Variants in MGAT4C observed in about 807,000 individuals in gnomAD.
The protein encoded by MGAT4C is alpha-1,3-mannosyl-glycoprotein 4-beta-N-acetylglucosaminyltransferase C.
MGAT4C carries 19 observed loss-of-function variants against 40.1 expected under a neutral mutation model. The ratio of observed to expected loss-of-function variants is 0.47; its 90% CI spans 0.33 to 0.70. MGAT4C has a LOEUF of 0.70. MGAT4C is among the 30% of genes least tolerant of loss of function. The probability of loss-of-function intolerance (pLI) is 0.02; values close to 1 mark genes in which losing one functional copy is unlikely to be tolerated. For missense variants in MGAT4C, 491 were observed against 563.2 expected (o/e 0.87, Z 1.30); for synonymous variants, 181 against 187.1 (o/e 0.97, Z 0.27).
intron 4 of MGAT4C, among the ~76,000 whole-genome samples, chr12:86,290,085 C>G (rs569950049): frequency 6.6e-6 from 1 of 151,690 alleles, no homozygotes; most frequent in Admixed American, 6.6e-5. Context: ...CTTGCTCTGT[C>G]ACCCATGCTG....
intron 1 of MGAT4C, among the ~76,000 whole-genome samples, chr12:86,244,721 T>A (rs543389804): frequency 1.3e-5 from 2 of 152,218 alleles, no homozygotes; most frequent in East Asian, 3.9e-4. Flanking sequence ...GAGGGACACC[T>A]CACTCATCAA....
chr12:86,731,721 A>T (rs1431658668), intron 1 of MGAT4C, among the ~76,000 whole-genome samples: 1 of 151,812 alleles, frequency 6.6e-6, no homozygotes, highest in East Asian at 1.9e-4. Flanking sequence ...GACTGAAGAC[A>T]AGTTCTTCTG....
chr12:86,184,097 C>T (rs549525693), intron 1 of MGAT4C, among the ~76,000 whole-genome samples: 1 of 152,146 alleles, frequency 6.6e-6, no homozygotes, highest in Admixed American at 6.5e-5. Context: ...AATCACTAAT[C>T]AATTTTTATT....
intron 1 of MGAT4C, among the ~76,000 whole-genome samples, chr12:86,817,152 T>C (rs1374347780): frequency 1.3e-5 from 2 of 151,048 alleles, no homozygotes; most frequent in Non-Finnish European, 3.0e-5. Context: ...ATAGAATATA[T>C]ATTTTAATTT....
intron 2 of MGAT4C, among the ~76,000 whole-genome samples, chr12:86,673,375 T>A (rs1257885664): frequency 6.6e-6 from 1 of 152,172 alleles, no homozygotes; most frequent in East Asian, 1.9e-4. Context: ...TTTATCATTG[T>A]GAGAAAGCAC....
chr12:86,123,752 T>G (rs2135690364), intron 1 of MGAT4C, among the ~76,000 whole-genome samples: 1 of 152,264 alleles, frequency 6.6e-6, no homozygotes, highest in African/African-American at 2.4e-5. Context: ...TTTCATTCAA[T>G]TATTCCAGCA....
At chr12:86,017,224 G>A (rs1292817487) in intron 2 of MGAT4C, among the ~76,000 whole-genome samples, 1 of 152,092 alleles carries the variant, frequency 6.6e-6, no homozygotes, top group African/African-American at 2.4e-5. Context: ...GTATGTATGT[G>A]TTTACATTGC....
intron 1 of MGAT4C, among the ~76,000 whole-genome samples, chr12:86,742,604 A>G (rs1242585492): frequency 6.6e-6 from 1 of 151,456 alleles, no homozygotes; most frequent in East Asian, 1.9e-4. Context: ...TTTAGCCTAA[A>G]TGAGATTAGT....
chr12:86,518,951 G>C (rs975113089), intron 2 of MGAT4C, among the ~76,000 whole-genome samples: 1 of 152,086 alleles, frequency 6.6e-6, no homozygotes, highest in African/African-American at 2.4e-5. Context: ...AAGGAATACA[G>C]ATTGCATTAT....
intron 1 of MGAT4C, among the ~76,000 whole-genome samples, chr12:86,799,189 A>G (rs1023972866): frequency 6.6e-6 from 1 of 151,756 alleles, no homozygotes; most frequent in African/African-American, 2.4e-5. Context: ...CCTCATCAGC[A>G]CAATCACCAA....
intron 3 of MGAT4C, among the ~76,000 whole-genome samples, chr12:86,397,909 G>A (rs1040439262): frequency 5.3e-5 from 8 of 152,274 alleles, no homozygotes; most frequent in African/African-American, 1.9e-4. Flanking sequence ...GCTGCAGTGA[G>A]CTATGATCAC....
intron 1 of MGAT4C, among the ~76,000 whole-genome samples, chr12:86,219,461 C>T (rs1475607505): frequency 6.6e-6 from 1 of 152,192 alleles, no homozygotes; most frequent in Non-Finnish European, 1.5e-5. Context: ...TTTCTTGCAC[C>T]TGTTGGATCA....
intron 2 of MGAT4C, among the ~76,000 whole-genome samples, chr12:86,659,692 C>CT (rs1460873380): frequency 6.6e-6 from 1 of 152,046 alleles, no homozygotes; most frequent in African/African-American, 2.4e-5. Context: ...TAGCTCCTCT[C>CT]TTTTTCCCCA....
At position 86,476,742 on chromosome 12, in the gene MGAT4C, C is replaced by T. The variant is rs112170217; in HGVS notation, c.-228-41477G>A. 3.4e-3 allele frequency among the ~76,000 whole-genome samples: 515 copies of T among 152,178 alleles called. 4 individuals carry two copies. The highest frequency in any genetic ancestry group is 0.012 in the African/African-American group (499 of 41,538). On this transcript the variant is annotated intron_variant, in intron 2 of 7. Transcript: ENST00000548651. Reference sequence around the variant, plus strand: ...TACATATATACCATGGAATAATACACAGCCATAAAAAGGAAAAAAATTATG... The same window carrying T: ...TACATATATACCATGGAATAATACATAGCCATAAAAAGGAAAAAAATTATG...
chr12:86,346,922 C>T (rs1459714378), intron 3 of MGAT4C, among the ~76,000 whole-genome samples: 1 of 152,172 alleles, frequency 6.6e-6, no homozygotes, highest in Non-Finnish European at 1.5e-5. Flanking sequence ...TCATCATACT[C>T]CCATACTGGA....
chr12:86,800,778 C>T (rs902407560), intron 1 of MGAT4C, among the ~76,000 whole-genome samples: 1 of 152,022 alleles, frequency 6.6e-6, no homozygotes, highest in Admixed American at 6.6e-5. Context: ...CAAAGACTTT[C>T]TCCATGACCA....
chr12:86,563,337 CAATCAG>C (rs1181397603), intron 2 of MGAT4C, among the ~76,000 whole-genome samples: 3 of 152,124 alleles, frequency 2.0e-5, no homozygotes, highest in Non-Finnish European at 2.9e-5. Flanking sequence ...GGCAAAGCAG[CAATCAG>C]AATGTAGAGC....
rs1470207950 is a variant in MGAT4C at position 86,408,995 on chromosome 12, C to A, written c.-120+26162G>T. Among the ~76,000 whole-genome samples the A allele has an allele frequency of 6.6e-5, 10 of 151,988 alleles. No homozygotes were observed. The South Asian group carries it at 2.1e-3, about 32-fold the overall frequency. ...CTTTCTGATTTATTTTCTTATGATG[C>A]CCCCAGAGTGTGTGTTGGTTGGGCT... is the stretch of plus-strand genomic sequence containing the variant. On this transcript the variant is annotated intron_variant, in intron 3 of 7. Coordinates refer to the MGAT4C transcript ENST00000548651.
At chr12:86,483,259 G>A (rs1957965262) in intron 2 of MGAT4C, among the ~76,000 whole-genome samples, 2 of 151,994 alleles carry the variant, frequency 1.3e-5, no homozygotes, top group East Asian at 3.9e-4. Flanking sequence ...TCATCACATT[G>A]TACATTAGGT....
Sources: gnomAD v4.1 joint callset for allele counts (sites outside exome capture counted in the v4.1 genomes callset) on GRCh38, gnomAD v4.1.1 for gene constraint, MANE v1.5 for transcripts, NCBI Gene and HGNC (gene_info 2026-07-23, HGNC 2026-07-21) for gene names.